Variants in TRIM2 observed in about 807,000 individuals in gnomAD.
TRIM2 encodes the protein tripartite motif-containing protein 2.
In TRIM2, 20 loss-of-function variants were observed where a neutral mutation model predicts 75.2. The observed-to-expected ratio is 0.27, with a 90% CI of 0.19 to 0.39. TRIM2 has a LOEUF of 0.39. Ranked by LOEUF, TRIM2 falls within the 10% of genes least tolerant of loss-of-function variation. The pLI is 1.00. For missense variants in TRIM2, 660 were observed against 990.8 expected (o/e 0.67, Z 4.48); for synonymous variants, 373 against 388.3 (o/e 0.96, Z 0.46).
intron 6 of TRIM2, among the ~76,000 whole-genome samples, chr4:153,313,184 C>T (rs1370576853): frequency 6.6e-6 from 1 of 152,114 alleles, no homozygotes; most frequent in East Asian, 1.9e-4. Flanking sequence ...CGCCATTTCA[C>T]GAGTGTTCAC....
At chr4:153,245,352 C>T (rs1460948661) in intron 1 of TRIM2, among the ~76,000 whole-genome samples, 1 of 152,202 alleles carries the variant, frequency 6.6e-6, no homozygotes, top group Non-Finnish European at 1.5e-5. Context: ...GTCTTAATGT[C>T]CAGACAGTGA....
At chr4:153,154,113 C>G (rs1729001821) in intron 1 of TRIM2, among the ~76,000 whole-genome samples, 1 of 152,172 alleles carries the variant, frequency 6.6e-6, no homozygotes. Flanking sequence ...TTACACATTT[C>G]TTAAAGAAAC....
At chr4:153,165,193 C>T (rs4696427) in intron 1 of TRIM2, among the ~76,000 whole-genome samples, 103,681 of 152,046 alleles carry the variant, frequency 0.68, 36,449 homozygotes, top group Non-Finnish European at 0.77. Flanking sequence ...AATTCTTCTA[C>T]ATTAGATTCT....
chr4:153,206,100 C>G (rs1735362296), intron 1 of TRIM2, among the ~76,000 whole-genome samples: 1 of 152,208 alleles, frequency 6.6e-6, no homozygotes, highest in Admixed American at 6.5e-5. Context: ...TTGGTCAGGT[C>G]AATGCATTCT....
chr4:153,255,497 A>C (rs184794578), intron 1 of TRIM2, among the ~76,000 whole-genome samples: 11 of 151,900 alleles, frequency 7.2e-5, no homozygotes, highest in Non-Finnish European at 1.6e-4. Context: ...AGAAGAAAGG[A>C]CTCCTGTTGT....
chr4:153,324,209 C>G, intron 10 of TRIM2, 61 bp downstream of exon 10: 1 of 1,463,090 alleles, frequency 6.8e-7, no homozygotes. Context: ...AATTGGTCTG[C>G]GAGAAAATAA....
chr4:153,283,861 C>CT (rs71598257), intron 3 of TRIM2, among the ~76,000 whole-genome samples: 2,501 of 53,282 alleles, frequency 0.047, 495 homozygotes, highest in Non-Finnish European at 0.066. Context: ...TGGCCTTGAT[C>CT]TTTTTTTTTT....
At chr4:153,266,345 T>G (rs79393426) in intron 1 of TRIM2, among the ~76,000 whole-genome samples, 2 of 35,260 alleles carry the variant, frequency 5.7e-5, no homozygotes, top group South Asian at 8.7e-4. Flanking sequence ...AATTTTTGGG[T>G]TTTTTTTTTT....
Position 153,175,088 on chromosome 4 carries a change from C to T in TRIM2, c.-49+21818C>T, listed in dbSNP as rs1579320708. The stretch of plus-strand genomic sequence containing the variant: ...GCAGTGGTGCAATCTCGGCTCGCTG[C>T]AACCTCCGCCTTCTGCCTTCCGGTT... On this transcript the variant is annotated intron_variant, in intron 1 of 11. Transcript: ENST00000437508. Among the ~76,000 whole-genome samples the T allele has an allele frequency of 2.0e-5, 3 of 152,254 alleles. No homozygotes were observed. In the South Asian group the frequency reaches 6.2e-4, roughly 32 times the overall value.
chr4:153,277,962 C>T (rs1314252707), intron 3 of TRIM2, among the ~76,000 whole-genome samples: 2 of 152,208 alleles, frequency 1.3e-5, no homozygotes, highest in African/African-American at 4.8e-5. Flanking sequence ...ATGCCTGGAG[C>T]TTGCACTCTA....
intron 1 of TRIM2, among the ~76,000 whole-genome samples, chr4:153,227,936 T>G (rs781337175): frequency 3.5e-4 from 53 of 152,236 alleles, no homozygotes; most frequent in Non-Finnish European, 6.0e-4. Context: ...CTCTCCTTAT[T>G]GTTCAGCATA....
chr4:153,236,225 T>C (rs903692983), intron 1 of TRIM2, among the ~76,000 whole-genome samples: 1 of 152,076 alleles, frequency 6.6e-6, no homozygotes, highest in East Asian at 1.9e-4. Context: ...AATTACCCAG[T>C]GTCGGGTATT....
chr4:153,336,850 A>C lies in TRIM2; in HGVS notation c.*1884A>C. On this transcript the variant is annotated 3_prime_UTR_variant, in exon 12 of 12. Transcript: ENST00000338700. ...GTTTAATATTTTTTTAGTTAGGTAG[A>C]GTTTTAAAAAATACTTGAGCCTGTC... 2 of 985,462 alleles carry C rather than the reference A, an allele frequency of 2.0e-6. No homozygotes were observed. Among genetic ancestry groups the C allele is most frequent in the South Asian group, 9.4e-5 (2 of 21,284 alleles). 61.0% of individuals were successfully genotyped at this position (985,462 alleles called of 1,614,324 possible).
At chr4:153,221,779 GAAGAAA>G (rs1740124449) in intron 1 of TRIM2, among the ~76,000 whole-genome samples, 5 of 119,506 alleles carry the variant, frequency 4.2e-5, no homozygotes, top group African/African-American at 6.9e-5. Context: ...AGGAAGGAAA[GAAGAAA>G]AGGAAGGAAA....
intron 1 of TRIM2, among the ~76,000 whole-genome samples, chr4:153,155,677 C>T (rs913684557): frequency 1.3e-5 from 2 of 152,158 alleles, no homozygotes; most frequent in Non-Finnish European, 2.9e-5. Flanking sequence ...CCGTTCATGG[C>T]CCCAGCCCAG....
intron 11 of TRIM2, among the ~76,000 whole-genome samples, chr4:153,334,078 G>C (rs1351130303): frequency 2.0e-5 from 3 of 151,890 alleles, no homozygotes; most frequent in South Asian, 2.1e-4. Context: ...CCCCTTATAA[G>C]TGTGGGGGAG....
chr4:153,269,519 A>G (rs1023092441), intron 1 of TRIM2, among the ~76,000 whole-genome samples: 5 of 152,192 alleles, frequency 3.3e-5, no homozygotes, highest in Non-Finnish European at 7.3e-5. Context: ...TGTTCTTTCT[A>G]TATAGCTTTC....
intron 1 of TRIM2, among the ~76,000 whole-genome samples, chr4:153,169,742 C>G (rs1028224299): frequency 4.6e-5 from 7 of 152,130 alleles, no homozygotes; most frequent in Admixed American, 4.6e-4. Flanking sequence ...AAGAATCAAC[C>G]TTGTGAAATA....
intron 2 of TRIM2, among the ~76,000 whole-genome samples, chr4:153,275,145 T>C (rs953562794): frequency 1.3e-5 from 2 of 152,238 alleles, no homozygotes; most frequent in Non-Finnish European, 2.9e-5. Flanking sequence ...CTGGCCTGTC[T>C]CTGTCTGTTG....
Sources: allele counts gnomAD v4.1 joint callset (sites outside exome capture counted in the v4.1 genomes callset), GRCh38; gene constraint gnomAD v4.1.1; transcripts MANE v1.5; gene names NCBI Gene and HGNC (gene_info 2026-07-23, HGNC 2026-07-21).